Variants in KIF2A observed in about 807,000 individuals in gnomAD.
The protein encoded by KIF2A is kinesin-like protein KIF2A.
Under a neutral mutation model 100.2 loss-of-function variants are expected in KIF2A, and 22 were observed. The ratio of observed to expected loss-of-function variants is 0.22; its 90% CI spans 0.16 to 0.31. The LOEUF is 0.31. KIF2A is among the 10% of genes least tolerant of loss of function. The pLI is 1.00. For missense variants in KIF2A, 495 were observed against 898.7 expected (o/e 0.55, Z 5.74); for synonymous variants, 268 against 285.9 (o/e 0.94, Z 0.63).
chr5:62,310,818 T>C (rs1343755458), intron 1 of KIF2A, among the ~76,000 whole-genome samples: 2 of 152,158 alleles, frequency 1.3e-5, no homozygotes, highest in African/African-American at 4.8e-5. Flanking sequence ...TAAAACCCAC[T>C]GACTCTTAAA....
At chr5:62,313,187 G>A (rs1048169813) in intron 1 of KIF2A, among the ~76,000 whole-genome samples, 1 of 152,110 alleles carries the variant, frequency 6.6e-6, no homozygotes, top group Admixed American at 6.6e-5. Flanking sequence ...ATAGAAATAT[G>A]CCATTTTGTG....
At chr5:62,331,805 C>T (rs1746669520) in intron 1 of KIF2A, among the ~76,000 whole-genome samples, 1 of 148,952 alleles carries the variant, frequency 6.7e-6, no homozygotes, top group African/African-American at 2.5e-5. Flanking sequence ...CTAGGTATGT[C>T]AGAAACAGCT....
chr5:62,375,808 T>C (rs1471094721), intron 18 of KIF2A, among the ~76,000 whole-genome samples: 1 of 152,188 alleles, frequency 6.6e-6, no homozygotes, highest in East Asian at 1.9e-4. Flanking sequence ...ATATAGTGGG[T>C]AGAGCCAGGA....
Position 62,319,165 on chromosome 5 carries a change from A to ACAG in KIF2A, c.64+12631_64+12632insGCA, listed in dbSNP as rs1003444795. 6.9e-5 allele frequency among the ~76,000 whole-genome samples: 10 copies of ACAG among 144,388 alleles called. No individual in the cohort carries two copies. The East Asian group carries it at 1.4e-3, about 20-fold the overall frequency. The allele number at this position is 144,388 out of a possible 152,430, so 94.7% of individuals were successfully genotyped here. On this transcript the variant is annotated intron_variant, in intron 1 of 20. Coordinates refer to ENST00000407818, the MANE Select transcript of KIF2A (RefSeq NM_001098511.3). ...ACCTAGGAGAGTAATTTGGTTAACA[A>ACAG]CAACAACAACAACAACAACAACAAA...
rs1037912178 is a variant in KIF2A, at chr5:62,388,088, A to T, written c.*2519A>T. The T allele has an allele frequency of 1.3e-5, 2 of 152,198 alleles. No individual in the cohort carries two copies. The highest frequency in any genetic ancestry group is 4.8e-5 in the African/African-American group (2 of 41,442). The allele number at this position is 152,198 out of a possible 1,614,324, so 9.4% of individuals were successfully genotyped here. On this transcript the variant is annotated 3_prime_UTR_variant, in exon 21 of 21. Coordinates refer to ENST00000407818, the MANE Select transcript of KIF2A (RefSeq NM_001098511.3). Reference sequence around the variant, plus strand: ...TAAAACTAGTTTATGACATCTATTGAAATTCTCAGTCTGACAGTTTTAAAA... The same window carrying T: ...TAAAACTAGTTTATGACATCTATTGTAATTCTCAGTCTGACAGTTTTAAAA...
intron 1 of KIF2A, chr5:62,308,383 C>A: frequency 6.8e-7 from 1 of 1,469,162 alleles, no homozygotes; most frequent in Non-Finnish European, 9.2e-7. Context: ...TGCACAGCAA[C>A]ACCTGTCCCT....
intron 7 of KIF2A, among the ~76,000 whole-genome samples, chr5:62,357,082 ACTT>A (rs752366854): frequency 3.4e-5 from 5 of 144,970 alleles, no homozygotes; most frequent in Non-Finnish European, 7.5e-5. Context: ...TGGCATCACA[ACTT>A]CTTTTTTTTT....
intron 16 of KIF2A, among the ~76,000 whole-genome samples, chr5:62,371,207 C>G (rs1741310492): frequency 6.6e-6 from 1 of 152,052 alleles, no homozygotes. Context: ...TGAGCCATGA[C>G]TGAGCCACTG....
Position 62,385,617 on chromosome 5 carries a change from A to G in KIF2A, c.*48A>G, listed in dbSNP as rs1741989437. The stretch of plus-strand genomic sequence containing the variant: ...TACCCAGAACCCTCACTACTGTAAC[A>G]TACAACGGTTCAGCTGTAAGGGCCA... On this transcript the variant is annotated 3_prime_UTR_variant, in exon 21 of 21. Coordinates refer to ENST00000407818, the MANE Select transcript of KIF2A (RefSeq NM_001098511.3). 2 of 1,324,038 alleles carry G rather than the reference A, an allele frequency of 1.5e-6. No individual in the cohort carries two copies. The highest frequency in any genetic ancestry group is 2.1e-6 in the Non-Finnish European group (2 of 939,596). 82.0% of individuals were successfully genotyped at this position (1,324,038 alleles called of 1,614,324 possible).
chr5:62,376,019 T>C (rs1741525203), intron 18 of KIF2A, among the ~76,000 whole-genome samples: 1 of 152,204 alleles, frequency 6.6e-6, no homozygotes, highest in Non-Finnish European at 1.5e-5. Context: ...GCTTTTAGAC[T>C]CTTTAAAGTA....
rs189456203 is a variant in KIF2A at position 62,328,562 on chromosome 5, G to C, written c.65-18568G>C. ...GCTGGAGTGCAGTGGTGCGATCTCGGCTCAGTGCAACCACTGCCTCCGGGG... is the reference window on the plus strand; with the variant it reads ...GCTGGAGTGCAGTGGTGCGATCTCGCCTCAGTGCAACCACTGCCTCCGGGG... On this transcript the variant is annotated intron_variant, in intron 1 of 20. Coordinates refer to ENST00000407818, the MANE Select transcript of KIF2A (RefSeq NM_001098511.3). Among the ~76,000 whole-genome samples, 415 of 152,166 alleles carry C rather than the reference G, an allele frequency of 2.7e-3. 1 individual carries two copies. Among genetic ancestry groups the C allele is most frequent in the Non-Finnish European group, 4.1e-3 (280 of 67,976 alleles).
chr5:62,373,865 T>C (rs371727555), intron 18 of KIF2A, 28 bp downstream of exon 18: 45 of 1,535,762 alleles, frequency 2.9e-5, no homozygotes, highest in East Asian at 2.3e-5. Context: ...GTAAATGTTA[T>C]AATCTTAGTT....
At chr5:62,315,014 C>T (rs1017045736) in intron 1 of KIF2A, among the ~76,000 whole-genome samples, 21 of 152,010 alleles carry the variant, frequency 1.4e-4, no homozygotes, top group Admixed American at 1.4e-3. Context: ...CCACCTGCCT[C>T]AGCCTCCCAA....
At chr5:62,339,155 A>T (rs1484866404) in intron 1 of KIF2A, among the ~76,000 whole-genome samples, 1 of 152,204 alleles carries the variant, frequency 6.6e-6, no homozygotes, top group Non-Finnish European at 1.5e-5. Context: ...TGATGCTGGC[A>T]TCTGCTCAGC....
chr5:62,336,338 T>G (rs1314067991), intron 1 of KIF2A, among the ~76,000 whole-genome samples: 2 of 152,150 alleles, frequency 1.3e-5, no homozygotes, highest in Non-Finnish European at 2.9e-5. Flanking sequence ...GGAGCTAGAT[T>G]TATAAGAAAT....
Position 62,389,041 on chromosome 5 carries a change from C to A in KIF2A, c.*3472C>A, listed in dbSNP as rs749208375. On this transcript the variant is annotated 3_prime_UTR_variant, in exon 21 of 21. Transcript: ENST00000407818. ...AAAATGAATACCTTCTGCGTTGAATCCATGTAGCAATCTGAAAAAAGAAAT... is the reference window on the plus strand; with the variant it reads ...AAAATGAATACCTTCTGCGTTGAATACATGTAGCAATCTGAAAAAAGAAAT... The A allele has an allele frequency of 6.2e-7, 1 of 1,606,596 alleles. No individual in the cohort carries two copies. The highest frequency in any genetic ancestry group is 1.7e-5 in the Admixed American group (1 of 58,528).
intron 16 of KIF2A, among the ~76,000 whole-genome samples, chr5:62,371,141 A>G (rs1273240626): frequency 6.6e-6 from 1 of 152,028 alleles, no homozygotes; most frequent in Non-Finnish European, 1.5e-5. Flanking sequence ...GTGGCACACC[A>G]GTGATAGTCC....
At position 62,389,303 on chromosome 5, in the gene KIF2A, T is replaced by C. The variant is rs1050808292; in HGVS notation, c.*3734T>C. On this transcript the variant is annotated 3_prime_UTR_variant, in exon 21 of 21. Coordinates refer to ENST00000407818, the MANE Select transcript of KIF2A (RefSeq NM_001098511.3). ...TAGTTCGAGAACAGTCTGGCCAACA[T>C]GGTGAAACCCCGTCTCTACTAAAAA... Among the ~76,000 whole-genome samples the C allele has an allele frequency of 1.4e-4, 21 of 151,844 alleles. No homozygotes were observed. Among genetic ancestry groups the C allele is most frequent in the Non-Finnish European group, 1.2e-4 (8 of 67,980 alleles).
chr5:62,353,514 A>G lies in KIF2A; in HGVS notation c.558+139A>G, dbSNP rs1001711867. 5.8e-5 allele frequency: 28 copies of G among 486,252 alleles called. 1 individual carries two copies. The highest frequency in any genetic ancestry group is 9.5e-4 in the Middle Eastern group (2 of 2,112). The allele number at this position is 486,252 out of a possible 1,614,324, so 30.1% of individuals were successfully genotyped here. ...GAATTCCTTAAATTGATATTGAGGA[A>G]TAATATAAACTCTTGTGCAAATAAG... On this transcript the variant is annotated intron_variant, in intron 6 of 20. Transcript: ENST00000407818.
Sources: allele counts gnomAD v4.1 joint callset (sites outside exome capture counted in the v4.1 genomes callset), GRCh38; gene constraint gnomAD v4.1.1; transcripts MANE v1.5; gene names NCBI Gene and HGNC (gene_info 2026-07-23, HGNC 2026-07-21).